Variants in ANKS1B observed in about 807,000 individuals in gnomAD.
ANKS1B encodes the protein ankyrin repeat and sterile alpha motif domain-containing protein 1B.
In ANKS1B, 36 loss-of-function variants were observed where a neutral mutation model predicts 148.3. The observed-to-expected ratio is 0.24, with a 90% CI of 0.19 to 0.32. The LOEUF (loss-of-function observed/expected upper bound fraction) is 0.32, where lower values mean the gene tolerates loss of function less well. Ranked by LOEUF, ANKS1B falls within the 10% of genes least tolerant of loss-of-function variation. The probability of loss-of-function intolerance (pLI) is 1.00; values close to 1 mark genes in which losing one functional copy is unlikely to be tolerated. For missense variants in ANKS1B, 1,157 were observed against 1,542.6 expected (o/e 0.75, Z 4.19); for synonymous variants, 542 against 560.8 (o/e 0.97, Z 0.47).
At chr12:99,253,485 C>T (rs1337966659) in intron 12 of ANKS1B, among the ~76,000 whole-genome samples, 1 of 152,134 alleles carries the variant, frequency 6.6e-6, no homozygotes, top group East Asian at 1.9e-4. Flanking sequence ...GCTACTGTGG[C>T]TCATCCCTGC....
intron 17 of ANKS1B, among the ~76,000 whole-genome samples, chr12:98,977,497 TTC>T (rs59897373): frequency 0.14 from 20,864 of 152,150 alleles, 3,205 homozygotes; most frequent in African/African-American, 0.37. Context: ...AAGCTTCACT[TTC>T]TCAGTATGTT....
chr12:99,212,347 C>T (rs912223256), intron 14 of ANKS1B, among the ~76,000 whole-genome samples: 4 of 122,196 alleles, frequency 3.3e-5, no homozygotes, highest in Admixed American at 1.9e-4. Flanking sequence ...CATGCCTTTA[C>T]ACGTGTAGAG....
intron 9 of ANKS1B, among the ~76,000 whole-genome samples, chr12:99,608,403 A>C (rs1249398218): frequency 1.3e-5 from 2 of 152,132 alleles, no homozygotes; most frequent in African/African-American, 4.8e-5. Flanking sequence ...AGGGCACAAG[A>C]AACAAAGAGG....
intron 10 of ANKS1B, among the ~76,000 whole-genome samples, chr12:99,497,559 C>G (rs1015441457): frequency 6.6e-6 from 1 of 152,162 alleles, no homozygotes; most frequent in South Asian, 2.1e-4. Context: ...TATATCTTCA[C>G]ATTGTCTTCC....
intron 17 of ANKS1B, among the ~76,000 whole-genome samples, chr12:99,035,295 T>G (rs2153473462): frequency 6.6e-6 from 1 of 152,280 alleles, no homozygotes; most frequent in South Asian, 2.1e-4. Context: ...ATTATCTGAC[T>G]TACCTTGTTT....
chr12:99,648,107 T>G (rs1423128783), intron 9 of ANKS1B: 3 of 1,543,282 alleles, frequency 1.9e-6, no homozygotes, highest in South Asian at 2.5e-5. Context: ...GGAAACAGGA[T>G]GCCCGCTAAA....
At position 98,829,040 on chromosome 12, in the gene ANKS1B, G is replaced by A; in HGVS notation, c.3066+134C>T. On this transcript the variant is annotated intron_variant, in intron 19 of 26. Coordinates refer to ENST00000683438, the MANE Select transcript of ANKS1B (RefSeq NM_001352186.2). The surrounding 1 kb of genome is among the most constrained non-coding windows in gnomAD (Gnocchi z 5.2). ...GGTCTAGTTCAGATGAGCAAGGAAT[G>A]AAAGGCGGGGCATAACATGGTATAA... 9.7e-7 allele frequency: 1 copy of A among 1,027,492 alleles called. No homozygotes were observed. Among genetic ancestry groups the A allele is most frequent in the Non-Finnish European group, 1.5e-6 (1 of 684,190 alleles). 63.6% of individuals were successfully genotyped at this position (1,027,492 alleles called of 1,614,324 possible).
At chr12:99,865,437 T>G (rs2090601800) in intron 1 of ANKS1B, among the ~76,000 whole-genome samples, 1 of 152,118 alleles carries the variant, frequency 6.6e-6, no homozygotes, top group Admixed American at 6.6e-5. Context: ...ATTTACACAG[T>G]GTTTGAAGAA....
At chr12:99,780,841 C>A (rs897097989) in intron 5 of ANKS1B, among the ~76,000 whole-genome samples, 1 of 151,918 alleles carries the variant, frequency 6.6e-6, no homozygotes, top group African/African-American at 2.4e-5. Context: ...AGAATTTATC[C>A]AAATACAAGG....
chr12:99,790,977 A>T (rs115694698), intron 4 of ANKS1B, among the ~76,000 whole-genome samples: 3,991 of 152,190 alleles, frequency 0.026, 184 homozygotes, highest in African/African-American at 0.091. Context: ...CAAAAGACAT[A>T]GAGTGGCTGA....
At chr12:99,376,531 T>C (rs918188264) in intron 12 of ANKS1B, among the ~76,000 whole-genome samples, 1 of 152,218 alleles carries the variant, frequency 6.6e-6, no homozygotes, top group Non-Finnish European at 1.5e-5. Context: ...ATCCTGATTA[T>C]TGCTTTGAAC....
intron 9 of ANKS1B, among the ~76,000 whole-genome samples, chr12:99,622,060 G>A (rs944325972): frequency 6.6e-6 from 1 of 151,920 alleles, no homozygotes; most frequent in African/African-American, 2.4e-5. Context: ...CATACCCATG[G>A]ACCAGAGTGG....
At chr12:99,126,841 G>A (rs75465571) in intron 15 of ANKS1B, among the ~76,000 whole-genome samples, 2,435 of 152,214 alleles carry the variant, frequency 0.016, 54 homozygotes, top group African/African-American at 0.056. Flanking sequence ...TCGATTAAGA[G>A]TCTACCCACT....
chr12:98,815,701 T>C (rs1212674860), intron 19 of ANKS1B, among the ~76,000 whole-genome samples: 1 of 152,186 alleles, frequency 6.6e-6, no homozygotes, highest in African/African-American at 2.4e-5. Flanking sequence ...AGGTTCACAA[T>C]GCTGGAGCTC....
At chr12:99,465,496 G>A (rs1008053596) in intron 10 of ANKS1B, among the ~76,000 whole-genome samples, 2 of 152,036 alleles carry the variant, frequency 1.3e-5, no homozygotes, top group African/African-American at 4.8e-5. Context: ...ACACAGACTG[G>A]CAAATTGGAT....
intron 15 of ANKS1B, among the ~76,000 whole-genome samples, chr12:99,088,705 A>G (rs2052845135): frequency 6.6e-6 from 1 of 152,060 alleles, no homozygotes; most frequent in African/African-American, 2.4e-5. Context: ...CTATCTAACC[A>G]TTTCTTTGGC....
intron 17 of ANKS1B, among the ~76,000 whole-genome samples, chr12:99,024,361 A>G (rs2099947523): frequency 6.6e-6 from 1 of 152,186 alleles, no homozygotes; most frequent in African/African-American, 2.4e-5. Flanking sequence ...GCATCTTAAT[A>G]TATAATGTGC....
At chr12:99,745,352 C>G (rs1295344391) in intron 8 of ANKS1B, among the ~76,000 whole-genome samples, 1 of 152,184 alleles carries the variant, frequency 6.6e-6, no homozygotes, top group Non-Finnish European at 1.5e-5. Flanking sequence ...AAATTTGTCT[C>G]AAGCTCATCT....
At chr12:98,795,325 A>C (rs1440069852) in intron 22 of ANKS1B, among the ~76,000 whole-genome samples, 4 of 152,232 alleles carry the variant, frequency 2.6e-5, no homozygotes, top group African/African-American at 4.8e-5. Flanking sequence ...GAAGAGCATA[A>C]TGACATTGTT....
Sources: allele counts gnomAD v4.1 joint callset (sites outside exome capture counted in the v4.1 genomes callset), GRCh38; gene constraint gnomAD v4.1.1; non-coding constraint Gnocchi (gnomAD v3.1); transcripts MANE v1.5; gene names NCBI Gene and HGNC (gene_info 2026-07-23, HGNC 2026-07-21).